KIF13B: variants seen among roughly 807,000 people sequenced by gnomAD.
The protein encoded by KIF13B is kinesin-like protein KIF13B.
A neutral mutation model predicts 222.0 loss-of-function variants in KIF13B; 127 were observed. The observed-to-expected ratio is 0.57, with a 90% CI of 0.50 to 0.66. The LOEUF is 0.66. Ranked by LOEUF, KIF13B falls within the 30% of genes least tolerant of loss-of-function variation. The pLI is 0.00. For synonymous variants in KIF13B, 976 were observed against 919.0 expected, an observed-to-expected ratio of 1.06 and a Z score of -1.12; for missense variants, 2,173 against 2,379.0, an observed-to-expected ratio of 0.91 and a Z score of 1.80.
intron 24 of KIF13B, among the ~76,000 whole-genome samples, chr8:29,127,785 A>G (rs927034798): frequency 6.6e-6 from 1 of 152,214 alleles, no homozygotes; most frequent in Non-Finnish European, 1.5e-5. Context: ...AACTTTCCAG[A>G]GAGCTAAGTA....
Position 29,146,522 on chromosome 8 carries a change from G to A in KIF13B, c.2043C>T (p.Asn681=), listed in dbSNP as rs1811066231. 1 of 1,610,954 alleles carries A rather than the reference G, an allele frequency of 6.2e-7. No individual in the cohort carries two copies. Among genetic ancestry groups the A allele is most frequent in the South Asian group, 1.1e-5 (1 of 90,962 alleles). The change falls in exon 18 of 40, where the codon AAC becomes AAT. Residue 681 remains asparagine (N), a synonymous_variant. Coordinates refer to ENST00000524189, the MANE Select transcript of KIF13B (RefSeq NM_015254.4). ...WAEEREATLN[N]SLMRLREQIV... The stretch of plus-strand genomic sequence containing the variant: ...TTTGTTCCCTCAGCCTCATCAGGCT[G>A]TTATTCAACGTTGCTTCTCTAAAAA...
chr8:29,248,660 C>T (rs766561183), intron 1 of KIF13B, among the ~76,000 whole-genome samples: 3 of 152,094 alleles, frequency 2.0e-5, no homozygotes, highest in Non-Finnish European at 2.9e-5. Context: ...TCCCACAACA[C>T]GAGGGAATTA....
intron 26 of KIF13B, among the ~76,000 whole-genome samples, chr8:29,126,129 GTGTT>G (rs749283039): frequency 6.6e-6 from 1 of 151,860 alleles, no homozygotes; most frequent in Non-Finnish European, 1.5e-5. Flanking sequence ...AAAACACCTA[GTGTT>G]GACTAAAGCT....
chr8:29,123,330 G>A (rs778722484), intron 28 of KIF13B, 36 bp downstream of exon 28: 296 of 1,609,522 alleles, frequency 1.8e-4, no homozygotes, highest in Middle Eastern at 1.7e-4. Context: ...CTTGGTGAGC[G>A]TTCAGACCTC....
chr8:29,120,166 GTTTTTTTTTT>G (rs57731633), intron 29 of KIF13B, among the ~76,000 whole-genome samples: 10 of 102,378 alleles, frequency 9.8e-5, no homozygotes, highest in South Asian at 6.4e-4. Flanking sequence ...AAAAATGACA[GTTTTTTTTTT>G]TTTTTTTTTT....
chr8:29,092,341 C>G (rs1466810190), intron 37 of KIF13B, among the ~76,000 whole-genome samples: 1 of 152,130 alleles, frequency 6.6e-6, no homozygotes, highest in Non-Finnish European at 1.5e-5. Flanking sequence ...GCAGAGAAAA[C>G]AGAGGTTGAG....
At chr8:29,151,648 C>T (rs921790467) in intron 14 of KIF13B, among the ~76,000 whole-genome samples, 1 of 152,196 alleles carries the variant, frequency 6.6e-6, no homozygotes, top group Non-Finnish European at 1.5e-5. Flanking sequence ...CTGTTTACAT[C>T]ACAGTTTGCT....
At chr8:29,151,526 G>A (rs1001356819) in intron 14 of KIF13B, among the ~76,000 whole-genome samples, 1 of 152,222 alleles carries the variant, frequency 6.6e-6, no homozygotes, top group Non-Finnish European at 1.5e-5. Flanking sequence ...TGACTTTTAA[G>A]TTGATGCCAA....
Position 29,078,347 on chromosome 8 carries a change from T to C in KIF13B, c.4459-3004A>G, listed in dbSNP as rs559604606. On this transcript the variant is annotated intron_variant, in intron 37 of 39. Coordinates refer to ENST00000524189, the MANE Select transcript of KIF13B (RefSeq NM_015254.4). ...ATTCAGAGGAGGAAAGGGTCATAAA[T>C]AGAACGGGTGTGAACGCCACATGAA... Among the ~76,000 whole-genome samples, 8 of 149,456 alleles carry C rather than the reference T, an allele frequency of 5.4e-5. No individual in the cohort carries two copies. In the East Asian group the frequency reaches 1.4e-3, roughly 26 times the overall value.
intron 2 of KIF13B, among the ~76,000 whole-genome samples, chr8:29,196,449 G>A (rs1376354648): frequency 6.6e-6 from 1 of 152,136 alleles, no homozygotes; most frequent in Non-Finnish European, 1.5e-5. Context: ...ACTGAGCACA[G>A]ATAATAATTT....
Position 29,109,929 on chromosome 8 carries a change from G to C in KIF13B, c.4072C>G (p.Arg1358Gly), listed in dbSNP as rs760240202. ...TGCGGTTGGCTAACCTGGCGCAGACGATCTAAAGTCAGGAGGTTTTCTACA... is the reference window on the plus strand; with the variant it reads ...TGCGGTTGGCTAACCTGGCGCAGACCATCTAAAGTCAGGAGGTTTTCTACA... Reference protein sequence around the residue: ...LAVENLLTLDRLRQEVAVKEQ... With the variant: ...LAVENLLTLDGLRQEVAVKEQ... The change falls in exon 33 of 40, where the codon CGT becomes GGT. Residue 1358 changes from arginine (R) to glycine (G), a missense_variant. By Grantham distance (125) the Arg-to-Gly change is moderately radical (BLOSUM62 -2). Around this residue, in one of 2 missense-constraint regions of KIF13B, gnomAD observed 1,480 missense variants for 1,722.8 expected, o/e 0.86. Transcript: ENST00000524189. The C allele has an allele frequency of 1.2e-6, 2 of 1,613,520 alleles. No homozygotes were observed. The highest frequency in any genetic ancestry group is 3.3e-5 in the Admixed American group (2 of 59,972).
At chr8:29,121,105 G>A (rs1318825731) in intron 29 of KIF13B, among the ~76,000 whole-genome samples, 6 of 151,554 alleles carry the variant, frequency 4.0e-5, no homozygotes, top group South Asian at 2.1e-4. Flanking sequence ...AGTAGGTTGC[G>A]AAATCGTGAA....
At chr8:29,252,404 C>T (rs1045193628) in intron 1 of KIF13B, among the ~76,000 whole-genome samples, 3 of 152,222 alleles carry the variant, frequency 2.0e-5, no homozygotes, top group Admixed American at 6.5e-5. Flanking sequence ...ACAAAATAAT[C>T]TGCTTTTCTA....
At chr8:29,249,675 T>C (rs571447006) in intron 1 of KIF13B, among the ~76,000 whole-genome samples, 4 of 152,276 alleles carry the variant, frequency 2.6e-5, no homozygotes, top group African/African-American at 9.6e-5. Flanking sequence ...ACTTAACTTT[T>C]CTCACATCAG....
At chr8:29,159,040 G>A (rs527571414) in intron 13 of KIF13B, among the ~76,000 whole-genome samples, 1 of 152,280 alleles carries the variant, frequency 6.6e-6, no homozygotes, top group Admixed American at 6.5e-5. Flanking sequence ...CTCTTCCCAC[G>A]TAGTCAGCTC....
chr8:29,159,839 C>G (rs1811696367), intron 13 of KIF13B, among the ~76,000 whole-genome samples: 1 of 152,212 alleles, frequency 6.6e-6, no homozygotes, highest in Admixed American at 6.5e-5. Flanking sequence ...CAAAATGACA[C>G]AGAGTCACTG....
intron 15 of KIF13B, 81 bp from the exon 16 acceptor site, chr8:29,148,848 A>G (rs1811178402): frequency 8.9e-7 from 1 of 1,122,184 alleles, no homozygotes; most frequent in Non-Finnish European, 1.3e-6. Context: ...GGTATCTGTT[A>G]GAAGCCAAGT....
At chr8:29,120,175 T>G (rs1001240688) in intron 29 of KIF13B, among the ~76,000 whole-genome samples, 2 of 149,104 alleles carry the variant, frequency 1.3e-5, no homozygotes, top group African/African-American at 2.5e-5. Flanking sequence ...AGTTTTTTTT[T>G]TTTTTTTTTT....
At chr8:29,175,415 AG>A (rs144300890) in intron 10 of KIF13B, among the ~76,000 whole-genome samples, 1,750 of 152,328 alleles carry the variant, frequency 0.011, 30 homozygotes, top group African/African-American at 0.04. Flanking sequence ...AGAGAGGGCA[AG>A]AAGCGCCCTC....
Sources: allele counts gnomAD v4.1 joint callset (sites outside exome capture counted in the v4.1 genomes callset), GRCh38; gene constraint gnomAD v4.1.1; regional missense constraint gnomAD v4.1.1; transcripts MANE v1.5; gene names NCBI Gene and HGNC (gene_info 2026-07-23, HGNC 2026-07-21).